Variants in CREB1 observed in about 807,000 individuals in gnomAD.
The protein encoded by CREB1 is cAMP responsive element binding protein 1, also known as cyclic AMP-responsive element-binding protein 1.
CREB1 carries 2 observed loss-of-function variants against 42.0 expected under a neutral mutation model. The observed-to-expected ratio is 0.05, with a 90% CI of 0.02 to 0.15. CREB1 has a LOEUF of 0.15. Ranked by LOEUF, CREB1 falls within the 10% of genes least tolerant of loss-of-function variation. CREB1 has a pLI of 1.00. For synonymous variants in CREB1, 123 were observed against 139.9 expected (o/e 0.88, Z 0.85); for missense variants, 199 against 388.9 (o/e 0.51, Z 4.11).
Position 207,582,860 on chromosome 2 carries a change from C to T in CREB1, c.839+5205C>T, listed in dbSNP as rs968401821. 1.2e-4 allele frequency: 40 copies of T among 325,814 alleles called. 1 individual carries two copies. The highest frequency in any genetic ancestry group is 8.6e-4 in the African/African-American group (38 of 44,164). The allele number at this position is 325,814 out of a possible 1,614,324, so 20.2% of individuals were successfully genotyped here. A position where few individuals can be genotyped will look rare whatever the true frequency, so the allele number is the denominator to read the frequency against. ...GTGAGCTGAGATGGCACTACTACTC[C>T]AGCCTGAGTGACAGAGTGAGACTCT... On this transcript the variant is annotated intron_variant, in intron 7 of 7. Transcript: ENST00000353267.
At chr2:207,558,225 TC>T (rs1421981646) in intron 2 of CREB1, among the ~76,000 whole-genome samples, 1 of 152,082 alleles carries the variant, frequency 6.6e-6, no homozygotes, top group Non-Finnish European at 1.5e-5. Flanking sequence ...ATAGGGATCT[TC>T]CCCCCAGGCT....
chr2:207,570,060 A>C (rs1298352104), intron 4 of CREB1, 119 bp from the exon 5 acceptor site: 3 of 666,184 alleles, frequency 4.5e-6, no homozygotes, highest in South Asian at 5.4e-5. Flanking sequence ...AAAAAAAAAA[A>C]AACCTTCTGT....
chr2:207,562,025 A>G (rs1397988012), intron 3 of CREB1, among the ~76,000 whole-genome samples: 1 of 152,166 alleles, frequency 6.6e-6, no homozygotes, highest in East Asian at 1.9e-4. Context: ...AACAAGTAAA[A>G]GATAGTGTTG....
intron 1 of CREB1, among the ~76,000 whole-genome samples, chr2:207,533,994 G>A (rs763843414): frequency 6.6e-6 from 1 of 152,144 alleles, no homozygotes; most frequent in South Asian, 2.1e-4. Flanking sequence ...ATAAGATTGC[G>A]AGATAAACAT....
chr2:207,570,660 A>T (rs1430923397), intron 5 of CREB1, among the ~76,000 whole-genome samples: 5 of 151,996 alleles, frequency 3.3e-5, no homozygotes, highest in Non-Finnish European at 5.9e-5. Context: ...TTTTTAGATT[A>T]AAAAAAATCA....
chr2:207,549,216 A>C lies in CREB1; in HGVS notation c.-8-6412A>C, dbSNP rs529917337. ...GAGGAGTGTGTGTACATATATACAT[A>C]CATGTATATGCATATGACATTTGAA... On this transcript the variant is annotated intron_variant, in intron 1 of 7. Coordinates refer to ENST00000353267, the MANE Select transcript of CREB1 (RefSeq NM_004379.5). Among the ~76,000 whole-genome samples the C allele has an allele frequency of 1.4e-4, 22 of 152,322 alleles. No homozygotes were observed. The South Asian group carries it at 3.5e-3, about 24-fold the overall frequency.
rs938966575 is a variant in CREB1, at chr2:207,602,057, GC to G, written c.*5000del. 1.5e-5 allele frequency: 3 copies of G among 205,058 alleles called. No individual in the cohort carries two copies. The highest frequency in any genetic ancestry group is 6.9e-5 in the African/African-American group (3 of 43,744). The allele number at this position is 205,058 out of a possible 1,614,324, so 12.7% of individuals were successfully genotyped here. A position where few individuals can be genotyped will look rare whatever the true frequency, so the allele number is the denominator to read the frequency against. ...TGGAAAATTTTCAAATAAACAGGGTGCTGAAGTTCCATCTGTCTCATCTGCT... is the reference window on the plus strand; with the variant it reads ...TGGAAAATTTTCAAATAAACAGGGTGTGAAGTTCCATCTGTCTCATCTGCT... On this transcript the variant is annotated 3_prime_UTR_variant, in exon 8 of 8. Transcript: ENST00000353267.
At chr2:207,572,333 A>T (rs1468103261) in intron 5 of CREB1, among the ~76,000 whole-genome samples, 1 of 151,826 alleles carries the variant, frequency 6.6e-6, no homozygotes, top group South Asian at 2.1e-4. Flanking sequence ...TTTGGCTTTG[A>T]TGGAACTGAT....
At chr2:207,551,513 T>TA (rs2081502242) in intron 1 of CREB1, among the ~76,000 whole-genome samples, 1 of 152,158 alleles carries the variant, frequency 6.6e-6, no homozygotes, top group African/African-American at 2.4e-5. Context: ...GTAGTTTTTT[T>TA]AAAAAATGCT....
chr2:207,594,556 A>G (rs972663321), intron 7 of CREB1, among the ~76,000 whole-genome samples: 18 of 152,118 alleles, frequency 1.2e-4, no homozygotes, highest in African/African-American at 4.1e-4. Context: ...GGGCCTTCCT[A>G]AGGCTGAATA....
intron 6 of CREB1, chr2:207,576,917 T>TTATTATTTA: frequency 1.1e-6 from 1 of 892,078 alleles, no homozygotes; most frequent in African/African-American, 1.8e-5. Flanking sequence ...AAAACTTCAG[T>TTATTATTTA]TTATTTAGCC....
chr2:207,564,278 CAGG>C (rs2082058995), intron 3 of CREB1, among the ~76,000 whole-genome samples: 2 of 152,044 alleles, frequency 1.3e-5, no homozygotes, highest in South Asian at 2.1e-4. Flanking sequence ...CCAGCCCAGG[CAGG>C]AGGATTGCTT....
chr2:207,571,833 T>A (rs569144481), intron 5 of CREB1: 39 of 411,646 alleles, frequency 9.5e-5, no homozygotes, highest in African/African-American at 7.5e-4. Context: ...AAGAGGCCTA[T>A]CAGAATCTAA....
At position 207,598,407 on chromosome 2, in the gene CREB1, T is replaced by TATC. The variant is rs932724010; in HGVS notation, c.*1352_*1354dup. 7 of 182,584 alleles carry TATC rather than the reference T, an allele frequency of 3.8e-5. No individual in the cohort carries two copies. The highest frequency in any genetic ancestry group is 1.6e-4 in the African/African-American group (7 of 42,482). 11.3% of individuals were successfully genotyped at this position (182,584 alleles called of 1,614,324 possible). ...GATTAAAACAGTCTGTATTTGTGTA[T>TATC]ATCATACATTGTTTTCAATACCACT... On this transcript the variant is annotated 3_prime_UTR_variant, in exon 8 of 8. Coordinates refer to ENST00000353267, the MANE Select transcript of CREB1 (RefSeq NM_004379.5).
intron 2 of CREB1, among the ~76,000 whole-genome samples, chr2:207,557,664 T>C (rs950762575): frequency 1.4e-4 from 22 of 152,044 alleles, no homozygotes; most frequent in African/African-American, 4.8e-4. Flanking sequence ...TCTCAAAAAG[T>C]AAATAAATAC....
intron 4 of CREB1, 89 bp from the exon 5 acceptor site, chr2:207,570,090 C>T: frequency 4.5e-6 from 3 of 672,428 alleles, no homozygotes; most frequent in Non-Finnish European, 6.9e-6. Context: ...TAGCAGCTTT[C>T]TGTGAGTTTT....
chr2:207,592,911 C>CAAAAAAGAAAAAAAAAAAGAA (rs146008919), intron 7 of CREB1, among the ~76,000 whole-genome samples: 119,406 of 144,164 alleles, frequency 0.83, 49,637 homozygotes, highest in East Asian at 1. Flanking sequence ...GACTCCATCT[C>CAAAAAAGAAAAAAAAAAAGAA]AAAAAAGAAA....
intron 7 of CREB1, among the ~76,000 whole-genome samples, chr2:207,586,389 C>A (rs562860993): frequency 6.6e-6 from 1 of 152,086 alleles, no homozygotes; most frequent in Admixed American, 6.5e-5. Flanking sequence ...AAACTAGATA[C>A]CTATCACCAT....
At chr2:207,544,477 A>T (rs888255785) in intron 1 of CREB1, among the ~76,000 whole-genome samples, 1 of 152,210 alleles carries the variant, frequency 6.6e-6, no homozygotes, top group Non-Finnish European at 1.5e-5. Flanking sequence ...AATAATTTAT[A>T]CCTGTCAAGC....
Sources: allele counts gnomAD v4.1 joint callset (sites outside exome capture counted in the v4.1 genomes callset), GRCh38; gene constraint gnomAD v4.1.1; transcripts MANE v1.5; gene names NCBI Gene and HGNC (gene_info 2026-07-23, HGNC 2026-07-21).